The following COG2 variants were observed in gnomAD, a reference collection of about 807,000 sequenced individuals.
The protein encoded by COG2 is component of oligomeric golgi complex 2, also known as conserved oligomeric Golgi complex subunit 2.
A neutral mutation model predicts 90.6 loss-of-function variants in COG2; 52 were observed. The ratio of observed to expected loss-of-function variants is 0.57; its 90% confidence interval spans 0.46 to 0.72. The LOEUF is 0.72. COG2 is among the 30% of genes least tolerant of loss of function. The probability of loss-of-function intolerance (pLI) is 0.00; values close to 1 mark genes in which losing one functional copy is unlikely to be tolerated. For synonymous variants in COG2, 337 were observed against 320.4 expected (o/e 1.05, Z -0.55); for missense variants, 829 against 891.2 (o/e 0.93, Z 0.89).
intron 16 of COG2, 61 bp downstream of exon 16, chr1:230,690,214 CCAAGGCAAT>C: frequency 6.8e-7 from 1 of 1,481,074 alleles, no homozygotes; most frequent in Non-Finnish European, 9.3e-7. Flanking sequence ...GCAGAAACCC[CCAAGGCAAT>C]CAAGCACTGC....
chr1:230,642,766 C>T (rs1265929156), intron 1 of COG2, 88 bp downstream of exon 1: 14 of 1,303,614 alleles, frequency 1.1e-5, no homozygotes, highest in African/African-American at 1.5e-5. Flanking sequence ...TCGGCTGCTC[C>T]TGCCTGCGCA....
At chr1:230,660,882 CT>C in intron 3 of COG2, 59 bp downstream of exon 3, 1 of 1,199,470 alleles carries the variant, frequency 8.3e-7, no homozygotes. Context: ...CTTGTTTGCC[CT>C]TCCAAAAAAA....
In COG2 at chr1:230,693,408, C is replaced by T. The variant is rs1279753344; in HGVS notation, c.*15C>T. Reference sequence around the variant, plus strand: ...AGCAGCCTTAAGCATCTTGGAAGATCCCGAGGTTAGATTCTTAAGCAAGAG... The same window carrying T: ...AGCAGCCTTAAGCATCTTGGAAGATTCCGAGGTTAGATTCTTAAGCAAGAG... On this transcript the variant is annotated 3_prime_UTR_variant, in exon 18 of 18. Coordinates refer to ENST00000366669, the MANE Select transcript of COG2 (RefSeq NM_007357.3). 2 of 1,537,730 alleles carry T rather than the reference C, an allele frequency of 1.3e-6. No homozygotes were observed. The highest frequency in any genetic ancestry group is 1.8e-6 in the Non-Finnish European group (2 of 1,117,030).
intron 9 of COG2, 139 bp from the exon 10 acceptor site, chr1:230,678,774 T>C (rs1360496790): frequency 2.6e-6 from 4 of 1,545,230 alleles, no homozygotes; most frequent in African/African-American, 2.7e-5. Context: ...GGAAGAAAGA[T>C]CTTGTAAGTT....
intron 1 of COG2, chr1:230,642,960 T>A (rs1558265266): frequency 2.2e-6 from 1 of 450,902 alleles, no homozygotes; most frequent in Admixed American, 4.2e-5. Context: ...TACCCGTTCC[T>A]GTTACCATGC....
At chr1:230,642,707 G>C (rs966288875) in intron 1 of COG2, 29 bp downstream of exon 1, 3 of 1,601,716 alleles carry the variant, frequency 1.9e-6, no homozygotes, top group Middle Eastern at 1.7e-4. Context: ...CCCCGGAGCC[G>C]GGCCATGAGG....
intron 7 of COG2, chr1:230,669,767 A>G: frequency 5.1e-6 from 2 of 391,036 alleles, no homozygotes; most frequent in Non-Finnish European, 4.6e-6. Context: ...GCTGCGGCTC[A>G]GGCTTCAAGG....
At chr1:230,643,275 A>G (rs370518972) in intron 1 of COG2, among the ~76,000 whole-genome samples, 2 of 152,248 alleles carry the variant, frequency 1.3e-5, no homozygotes, top group East Asian at 1.9e-4. Flanking sequence ...GTTGTAGGTC[A>G]TAAACTTAGA....
intron 15 of COG2, among the ~76,000 whole-genome samples, chr1:230,689,755 G>A (rs1455698577): frequency 1.3e-5 from 2 of 152,224 alleles, no homozygotes; most frequent in Non-Finnish European, 2.9e-5. Context: ...TGCCCTGAGC[G>A]GTGGGTGGCT....
chr1:230,642,796 C>A (rs887897469), intron 1 of COG2, 118 bp downstream of exon 1: 1 of 930,726 alleles, frequency 1.1e-6, no homozygotes, highest in Admixed American at 2.7e-5. Flanking sequence ...TCAGGTCCTC[C>A]GCCGAGACCT....
At chr1:230,686,864 C>G (rs1662896369) in intron 12 of COG2, 71 bp from the exon 13 acceptor site, 1 of 978,692 alleles carries the variant, frequency 1.0e-6, no homozygotes, top group East Asian at 2.6e-5. Flanking sequence ...TTGACGCGCA[C>G]ATATGTAATA....
At chr1:230,649,607 C>T (rs542869792) in intron 1 of COG2, among the ~76,000 whole-genome samples, 36 of 152,276 alleles carry the variant, frequency 2.4e-4, no homozygotes, top group African/African-American at 7.9e-4. Flanking sequence ...AATATATGCT[C>T]CTTGAGAACA....
intron 13 of COG2, 133 bp downstream of exon 13, chr1:230,687,265 A>C: frequency 3.3e-6 from 2 of 604,174 alleles, no homozygotes; most frequent in Non-Finnish European, 5.5e-6. Context: ...CCAAGAGAGA[A>C]CCTCTCACTC....
At chr1:230,672,575 G>A (rs768740201) in intron 8 of COG2, among the ~76,000 whole-genome samples, 25 of 151,888 alleles carry the variant, frequency 1.6e-4, no homozygotes, top group Non-Finnish European at 2.9e-4. Flanking sequence ...TCACACCTGT[G>A]ATCCCAGCAC....
intron 1 of COG2, among the ~76,000 whole-genome samples, 171 bp from the exon 2 acceptor site, chr1:230,659,293 G>A (rs1466749271): frequency 6.6e-6 from 1 of 152,308 alleles, no homozygotes; most frequent in East Asian, 1.9e-4. Flanking sequence ...CCTTTATAAA[G>A]CGGACAAACA....
intron 5 of COG2, among the ~76,000 whole-genome samples, chr1:230,666,437 C>T (rs1456085552): frequency 1.3e-5 from 2 of 152,140 alleles, no homozygotes; most frequent in African/African-American, 4.8e-5. Flanking sequence ...GCAGTGGCCT[C>T]CTGACTGACC....
At chr1:230,655,412 G>A (rs145331426) in intron 1 of COG2, among the ~76,000 whole-genome samples, 8,907 of 152,166 alleles carry the variant, frequency 0.059, 366 homozygotes, top group Non-Finnish European at 0.088. Flanking sequence ...ATTGATTTGC[G>A]TGTGTTGAAC....
Position 230,648,296 on chromosome 1 carries a change from A to G in COG2, c.72+5618A>G, listed in dbSNP as rs542600604. ...GATGTAAGTGTGAAGGCAACAGCCC[A>G]GTGTTGCTGAGTGCCGGGCACAGCA... On this transcript the variant is annotated intron_variant, in intron 1 of 17. Coordinates refer to ENST00000366669, the MANE Select transcript of COG2 (RefSeq NM_007357.3). Among the ~76,000 whole-genome samples the G allele has an allele frequency of 6.6e-5, 10 of 152,386 alleles. No homozygotes were observed. In the East Asian group the frequency reaches 1.9e-3, roughly 29 times the overall value.
At chr1:230,678,301 A>G (rs1301455408) in intron 9 of COG2, 2 of 985,212 alleles carry the variant, frequency 2.0e-6, no homozygotes, top group East Asian at 1.1e-4. Flanking sequence ...CATTTGTAAA[A>G]TGGGGATGAT....
Sources: allele counts gnomAD v4.1 joint callset (sites outside exome capture counted in the v4.1 genomes callset), GRCh38; gene constraint gnomAD v4.1.1; transcripts MANE v1.5; gene names NCBI Gene and HGNC (gene_info 2026-07-23, HGNC 2026-07-21).